CAPRIN1: variants seen among roughly 807,000 people sequenced by gnomAD.
The protein encoded by CAPRIN1 is caprin-1.
Under a neutral mutation model 100.9 loss-of-function variants are expected in CAPRIN1, and 29 were observed. The observed-to-expected ratio is 0.29, with a 90% confidence interval of 0.21 to 0.39. The LOEUF (loss-of-function observed/expected upper bound fraction) is 0.39, where lower values mean the gene tolerates loss of function less well. Among genes scored for constraint, CAPRIN1 ranks in the 10% least tolerant of loss-of-function variants. The pLI is 1.00. For synonymous variants in CAPRIN1, 338 were observed against 307.5 expected (o/e 1.10, Z -1.04); for missense variants, 795 against 876.7 (o/e 0.91, Z 1.18).
chr11:34,076,583 C>T lies in CAPRIN1; in HGVS notation c.629C>T (p.Ala210Val), dbSNP rs1476071966. The T allele has an allele frequency of 1.1e-5, 17 of 1,613,636 alleles. No individual in the cohort carries two copies. The highest frequency in any genetic ancestry group is 1.4e-5 in the Non-Finnish European group (17 of 1,179,690). ...AGGTTGAATGAACAGTATGAACATGCCTCCATTCACCTGTGGGACCTGCTG... is the reference window on the plus strand; with the variant it reads ...AGGTTGAATGAACAGTATGAACATGTCTCCATTCACCTGTGGGACCTGCTG... ...SLRLNEQYEH[A>V]SIHLWDLLEG... The change falls in exon 6 of 19, where the codon GCC becomes GTC. Residue 210 changes from alanine to valine, a missense_variant. By Grantham distance (64) the Ala-to-Val change is moderately conservative. Around this residue, in one of 3 missense-constraint regions of CAPRIN1, gnomAD observed 648 missense variants for 697.9 expected, o/e 0.93. Transcript: ENST00000341394.
intron 15 of CAPRIN1, among the ~76,000 whole-genome samples, chr11:34,093,032 T>A (rs1851292243): frequency 1.3e-5 from 2 of 151,556 alleles, no homozygotes; most frequent in South Asian, 4.2e-4. Context: ...CTAATTTTTT[T>A]TTTTTTTTTG....
chr11:34,097,073 G>A (rs748794672), intron 16 of CAPRIN1, 123 bp from the exon 17 acceptor site: 7 of 685,880 alleles, frequency 1.0e-5, no homozygotes, highest in East Asian at 5.3e-5. Context: ...ATAGGAAATT[G>A]GAGATTAATT....
chr11:34,081,878 C>A (rs1180741985), intron 7 of CAPRIN1, among the ~76,000 whole-genome samples: 1 of 152,164 alleles, frequency 6.6e-6, no homozygotes, highest in Non-Finnish European at 1.5e-5. Flanking sequence ...GTGGCGCGAT[C>A]TCAGCTTGCT....
At chr11:34,075,972 C>G (rs1203410104) in intron 4 of CAPRIN1, among the ~76,000 whole-genome samples, 1 of 152,156 alleles carries the variant, frequency 6.6e-6, no homozygotes, top group East Asian at 1.9e-4. Flanking sequence ...AGATTATTTT[C>G]AAACAAGCCC....
intron 7 of CAPRIN1, among the ~76,000 whole-genome samples, chr11:34,081,285 C>G (rs1851023037): frequency 6.6e-6 from 1 of 151,518 alleles, no homozygotes; most frequent in Non-Finnish European, 1.5e-5. Flanking sequence ...ACTGCAACCT[C>G]TGCCTCCCGG....
At position 34,081,663 on chromosome 11, in the gene CAPRIN1, T is replaced by G. The variant is rs533209024; in HGVS notation, c.827-1162T>G. On this transcript the variant is annotated intron_variant, in intron 7 of 18. Transcript: ENST00000341394. ...TGCATGGCACCACACCTGACTCAGT[T>G]TTTTTTGTATCTTTAGTAGAGACAG... Among the ~76,000 whole-genome samples, 7 of 152,172 alleles carry G rather than the reference T, an allele frequency of 4.6e-5. No homozygotes were observed. In the South Asian group the frequency reaches 1.5e-3, roughly 32 times the overall value.
rs1851273136 is a variant in CAPRIN1 at position 34,091,952 on chromosome 11, C to T, written c.1601C>T (p.Thr534Ile). The T allele has an allele frequency of 1.2e-6, 2 of 1,613,870 alleles. No individual in the cohort carries two copies. The highest frequency in any genetic ancestry group is 1.7e-5 in the Admixed American group (1 of 59,964). The change falls in exon 15 of 19, where the codon ACT becomes ATT. Residue 534 changes from threonine to isoleucine, a missense_variant. This residue lies in a region of CAPRIN1 where 648 missense variants were observed against 697.9 expected (regional missense o/e 0.93). Transcript: ENST00000341394. ...APVPPVNEPE[T>I]LKQQNQYQAS... ...GTTCCTCCTGTTAATGAACCAGAAA[C>T]TTTAAAACAGCAAAATCAGTACCAG...
chr11:34,096,680 A>C lies in CAPRIN1; in HGVS notation c.1900+7A>C. ...CCTGCCAATGGATTCAGAGGTAAAAAAATAAAAAAGGAGGTTCTAATGACC... is the reference window on the plus strand; with the variant it reads ...CCTGCCAATGGATTCAGAGGTAAAACAATAAAAAAGGAGGTTCTAATGACC... On this transcript the variant is annotated splice_region_variant and intron_variant, in intron 16 of 18. Transcript: ENST00000341394. The C allele has an allele frequency of 6.3e-7, 1 of 1,579,080 alleles. No homozygotes were observed. Among genetic ancestry groups the C allele is most frequent in the African/African-American group, 1.4e-5 (1 of 73,806 alleles).
chr11:34,086,526 T>A (rs1171018310), intron 11 of CAPRIN1, 113 bp downstream of exon 11: 1 of 603,036 alleles, frequency 1.7e-6, no homozygotes, highest in East Asian at 2.8e-5. Context: ...TAATTTTGAC[T>A]CTTAGGTCTT....
At position 34,099,299 on chromosome 11, in the gene CAPRIN1, C is replaced by T; in HGVS notation, c.2066-4C>T. 1 of 1,613,520 alleles carries T rather than the reference C, an allele frequency of 6.2e-7. No homozygotes were observed. Among genetic ancestry groups the T allele is most frequent in the East Asian group, 2.2e-5 (1 of 44,878 alleles). On this transcript the variant is annotated splice_polypyrimidine_tract_variant and splice_region_variant and intron_variant, in intron 18 of 18. Coordinates refer to ENST00000341394, the MANE Select transcript of CAPRIN1 (RefSeq NM_005898.5). The stretch of plus-strand genomic sequence containing the variant: ...AAAAATCAAATGCCATTTTTGTCTT[C>T]TAGGTCGTGGAGGGCCCCCAAGACC...
chr11:34,079,887 G>A, intron 7 of CAPRIN1, 122 bp downstream of exon 7: 1 of 725,690 alleles, frequency 1.4e-6, no homozygotes, highest in Non-Finnish European at 2.0e-6. Flanking sequence ...TTTTTAAAGA[G>A]ACTTTAAGCA....
intron 4 of CAPRIN1, among the ~76,000 whole-genome samples, chr11:34,072,456 C>T (rs1254702996): frequency 1.3e-5 from 2 of 152,100 alleles, no homozygotes; most frequent in Admixed American, 1.3e-4. Flanking sequence ...ATCAGATAGT[C>T]ATTAGAAATA....
intron 4 of CAPRIN1, among the ~76,000 whole-genome samples, chr11:34,073,681 C>T (rs1424582656): frequency 6.6e-6 from 1 of 152,202 alleles, no homozygotes; most frequent in African/African-American, 2.4e-5. Flanking sequence ...CTGCCTCAGC[C>T]TCCCAAAGTG....
chr11:34,053,199 T>A (rs977067482), intron 2 of CAPRIN1: 1 of 975,882 alleles, frequency 1.0e-6, no homozygotes, highest in Non-Finnish European at 1.2e-6. Context: ...GAACTGCCTT[T>A]CCGGCAGGCC....
At chr11:34,096,889 A>G (rs565311738) in intron 16 of CAPRIN1, among the ~76,000 whole-genome samples, 324 of 152,290 alleles carry the variant, frequency 2.1e-3, no homozygotes, top group Non-Finnish European at 3.7e-3. Flanking sequence ...GGTTATGTCA[A>G]ATTAATGTCT....
chr11:34,076,736 GTTTT>G (rs369382547), intron 6 of CAPRIN1, 94 bp downstream of exon 6: 8 of 668,276 alleles, frequency 1.2e-5, no homozygotes, highest in Non-Finnish European at 2.0e-5. Flanking sequence ...AAAAAAATTA[GTTTT>G]TTTTTTTTTT....
At chr11:34,094,548 C>G (rs1412285410) in intron 15 of CAPRIN1, among the ~76,000 whole-genome samples, 1 of 152,076 alleles carries the variant, frequency 6.6e-6, no homozygotes, top group Non-Finnish European at 1.5e-5. Flanking sequence ...TGGTGGCTCA[C>G]GCCTGTAATC....
intron 11 of CAPRIN1, among the ~76,000 whole-genome samples, chr11:34,087,913 A>C (rs1040139318): frequency 3.3e-5 from 5 of 152,210 alleles, no homozygotes; most frequent in Non-Finnish European, 4.4e-5. Flanking sequence ...CTGTTTAATC[A>C]TTGTTGGGAA....
In CAPRIN1 at chr11:34,076,982, G is replaced by A. The variant is rs534629777; in HGVS notation, c.688+340G>A. On this transcript the variant is annotated intron_variant, in intron 6 of 18. Transcript: ENST00000341394. ...ACTCCTTACCACAAATGATTCACCT[G>A]CCTGGGCCTCCCAGAGTGCTGGGAT... is the stretch of plus-strand genomic sequence containing the variant. Among the ~76,000 whole-genome samples the A allele has an allele frequency of 1.5e-4, 23 of 152,246 alleles. No individual in the cohort carries two copies. The South Asian group carries it at 4.8e-3, about 32-fold the overall frequency.
Sources: gnomAD v4.1 joint callset for allele counts (sites outside exome capture counted in the v4.1 genomes callset) on GRCh38, gnomAD v4.1.1 for gene constraint, gnomAD v4.1.1 regional missense constraint, MANE v1.5 for transcripts, NCBI Gene and HGNC (gene_info 2026-07-23, HGNC 2026-07-21) for gene names.